The following SUCLG2 variants were observed in gnomAD, a reference collection of about 807,000 sequenced individuals.
The protein encoded by SUCLG2 is succinate-CoA ligase GDP-forming subunit beta.
Under a neutral mutation model 47.9 loss-of-function variants are expected in SUCLG2, and 42 were observed. The observed-to-expected ratio is 0.88, with a 90% CI of 0.69 to 1.14. The LOEUF (loss-of-function observed/expected upper bound fraction) is 1.14, where lower values mean the gene tolerates loss of function less well. SUCLG2 is among the 50% of genes most tolerant of loss of function. The pLI is 0.00. For synonymous variants in SUCLG2, 195 were observed against 197.3 expected, an observed-to-expected ratio of 0.99 and a Z score of 0.10; for missense variants, 571 against 525.9, an observed-to-expected ratio of 1.09 and a Z score of -0.84.
chr3:67,596,629 T>C (rs1244341805), intron 2 of SUCLG2, among the ~76,000 whole-genome samples: 1 of 152,198 alleles, frequency 6.6e-6, no homozygotes, highest in Non-Finnish European at 1.5e-5. Flanking sequence ...AGTGAACGTC[T>C]TGGAAGCACC....
At chr3:67,397,387 A>G (rs1702556357) in intron 10 of SUCLG2, among the ~76,000 whole-genome samples, 1 of 152,038 alleles carries the variant, frequency 6.6e-6, no homozygotes, top group Non-Finnish European at 1.5e-5. Flanking sequence ...TAACAGACAG[A>G]GAGCCAAATC....
At chr3:67,435,632 T>C (rs562626972) in intron 9 of SUCLG2, among the ~76,000 whole-genome samples, 2 of 152,222 alleles carry the variant, frequency 1.3e-5, no homozygotes, top group Non-Finnish European at 2.9e-5. Flanking sequence ...TCCACACATA[T>C]GTGCCTCTAA....
intron 9 of SUCLG2, among the ~76,000 whole-genome samples, chr3:67,455,414 G>C (rs1298667441): frequency 1.3e-5 from 2 of 152,058 alleles, no homozygotes; most frequent in Non-Finnish European, 2.9e-5. Flanking sequence ...TTTCATGTTT[G>C]CCTAACCAAC....
intron 10 of SUCLG2, among the ~76,000 whole-genome samples, chr3:67,383,117 T>C (rs915954540): frequency 3.3e-5 from 5 of 152,222 alleles, no homozygotes; most frequent in African/African-American, 9.6e-5. Context: ...ATGTGCCTAA[T>C]ACCTAGCACC....
rs1704061611 is a variant in SUCLG2, at chr3:67,451,741, T to C, written c.1062+44057A>G. ...GGTAAATATCTCAGAATGTCTGTAA[T>C]ATAATTACTTTTGAAATAAGGGATC... On this transcript the variant is annotated intron_variant, in intron 9 of 10. Coordinates refer to ENST00000307227, the MANE Select transcript of SUCLG2 (RefSeq NM_003848.4). 2.0e-5 allele frequency among the ~76,000 whole-genome samples: 3 copies of C among 152,310 alleles called. No homozygotes were observed. In the South Asian group the frequency reaches 6.2e-4, roughly 32 times the overall value.
At chr3:67,449,807 T>C (rs1406466470) in intron 9 of SUCLG2, among the ~76,000 whole-genome samples, 1 of 151,980 alleles carries the variant, frequency 6.6e-6, no homozygotes, top group Non-Finnish European at 1.5e-5. Context: ...AGAGATGTGG[T>C]TTTGCCATGT....
intron 9 of SUCLG2, among the ~76,000 whole-genome samples, chr3:67,484,759 T>C (rs1343576887): frequency 6.6e-6 from 1 of 151,986 alleles, no homozygotes; most frequent in Non-Finnish European, 1.5e-5. Context: ...AAAAAGGAGA[T>C]AGGCACAAAT....
intron 2 of SUCLG2, among the ~76,000 whole-genome samples, chr3:67,540,428 T>C (rs923396905): frequency 2.6e-5 from 4 of 152,070 alleles, no homozygotes; most frequent in African/African-American, 7.2e-5. Flanking sequence ...ACAAAGCTGC[T>C]TGGAAGTTCT....
intron 2 of SUCLG2, among the ~76,000 whole-genome samples, chr3:67,606,070 T>C (rs1320947585): frequency 1.3e-5 from 2 of 151,860 alleles, no homozygotes; most frequent in Admixed American, 6.6e-5. Flanking sequence ...CCAGGTGTGG[T>C]GGTGTGTGCC....
intron 2 of SUCLG2, among the ~76,000 whole-genome samples, chr3:67,559,600 A>G (rs1223336928): frequency 6.6e-6 from 1 of 152,146 alleles, no homozygotes; most frequent in South Asian, 2.1e-4. Context: ...TCGGATTTCA[A>G]TGCAAGATGA....
At position 67,400,749 on chromosome 3, in the gene SUCLG2, G is replaced by C. The variant is rs1702664097; in HGVS notation, c.1165C>G (p.Leu389Val). ...GACTCACCTTCAAGCCGGACCACCA[G>C]GGGCACCTTGAGTTCTAGCTCCCGG... The part of the protein sequence containing the change: ...ACRELELKVP[L>V]VVRLEGTNVQ... The change falls in exon 10 of 11, where the codon CTG becomes GTG. Residue 389 changes from leucine (L) to valine (V), a missense_variant. Physicochemically the swap from Leu to Val is conservative, Grantham distance 32 (BLOSUM62 1). Coordinates refer to ENST00000307227, the MANE Select transcript of SUCLG2 (RefSeq NM_003848.4). 1 of 1,611,700 alleles carries C rather than the reference G, an allele frequency of 6.2e-7. No homozygotes were observed. The highest frequency in any genetic ancestry group is 8.5e-7 in the Non-Finnish European group (1 of 1,179,944).
At chr3:67,401,033 T>C (rs1258887493) in intron 9 of SUCLG2, among the ~76,000 whole-genome samples, 182 bp from the exon 10 acceptor site, 1 of 152,170 alleles carries the variant, frequency 6.6e-6, no homozygotes, top group South Asian at 2.1e-4. Flanking sequence ...TAGTAATAAA[T>C]TAATAAATAT....
At chr3:67,377,267 G>C (rs968950788) in intron 10 of SUCLG2, among the ~76,000 whole-genome samples, 1 of 152,256 alleles carries the variant, frequency 6.6e-6, no homozygotes, top group Non-Finnish European at 1.5e-5. Context: ...CTAAAGATAT[G>C]CTAGTCTGCT....
At chr3:67,651,394 T>A (rs1015006166) in intron 1 of SUCLG2, among the ~76,000 whole-genome samples, 8 of 152,156 alleles carry the variant, frequency 5.3e-5, no homozygotes, top group Non-Finnish European at 2.9e-5. Context: ...CTGTCTGCTC[T>A]GCCTAACACA....
At chr3:67,470,883 C>A (rs954150949) in intron 9 of SUCLG2, among the ~76,000 whole-genome samples, 1 of 152,184 alleles carries the variant, frequency 6.6e-6, no homozygotes, top group African/African-American at 2.4e-5. Flanking sequence ...TCTATCCTTG[C>A]CCTACAAACC....
intron 2 of SUCLG2, among the ~76,000 whole-genome samples, chr3:67,531,436 T>C (rs576668975): frequency 6.6e-6 from 1 of 152,334 alleles, no homozygotes; most frequent in South Asian, 2.1e-4. Flanking sequence ...TAATTGGCAC[T>C]ACATAGGCTT....
rs141021632 is a variant in SUCLG2 at position 67,645,874 on chromosome 3, T to G, written c.84+8629A>C. Among the ~76,000 whole-genome samples, 381 of 150,996 alleles carry G rather than the reference T, an allele frequency of 2.5e-3. 2 individuals are homozygous for G. The highest frequency in any genetic ancestry group is 8.8e-3 in the African/African-American group (362 of 41,110). ...AGTCCAGATGGTATAGCATAGCATC[T>G]CAACAACAGGTAAGAGAGTACAAGC... is the stretch of plus-strand genomic sequence containing the variant. On this transcript the variant is annotated intron_variant, in intron 1 of 10. Transcript: ENST00000307227.
intron 9 of SUCLG2, among the ~76,000 whole-genome samples, chr3:67,459,495 C>G (rs1005231395): frequency 8.6e-5 from 13 of 152,012 alleles, no homozygotes; most frequent in African/African-American, 3.1e-4. Flanking sequence ...TTTATGAAGG[C>G]TTTTGCTTGG....
intron 2 of SUCLG2, among the ~76,000 whole-genome samples, chr3:67,539,724 C>T (rs1706648234): frequency 6.6e-6 from 1 of 152,096 alleles, no homozygotes; most frequent in African/African-American, 2.4e-5. Flanking sequence ...TTAATTACTG[C>T]CTCAATTTCA....
Sources: gnomAD v4.1 joint callset for allele counts (sites outside exome capture counted in the v4.1 genomes callset) on GRCh38, gnomAD v4.1.1 for gene constraint, MANE v1.5 for transcripts, NCBI Gene and HGNC (gene_info 2026-07-23, HGNC 2026-07-21) for gene names.